Variants in UGP2 observed in about 807,000 individuals in gnomAD.
UGP2 encodes the protein UTP--glucose-1-phosphate uridylyltransferase.
In UGP2, 40 loss-of-function variants were observed where a neutral mutation model predicts 49.0. The ratio of observed to expected loss-of-function variants is 0.82; its 90% confidence interval spans 0.63 to 1.06. UGP2 has a LOEUF of 1.06. UGP2 is among the 50% of genes least tolerant of loss of function. The pLI is 0.00. For missense variants in UGP2, 460 were observed against 603.5 expected (o/e 0.76, Z 2.49); for synonymous variants, 225 against 213.0 (o/e 1.06, Z -0.49).
intron 5 of UGP2, 67 bp downstream of exon 5, chr2:63,884,160 T>C: frequency 1.3e-6 from 2 of 1,574,522 alleles, no homozygotes; most frequent in Non-Finnish European, 1.7e-6. Context: ...ATCTTGTTTA[T>C]AACAGAGCAG....
chr2:63,876,508 C>G (rs957248836), intron 3 of UGP2, among the ~76,000 whole-genome samples: 2 of 152,082 alleles, frequency 1.3e-5, no homozygotes, highest in African/African-American at 2.4e-5. Context: ...TTTTTCCTTT[C>G]CACAGTTATT....
intron 4 of UGP2, 143 bp downstream of exon 4, chr2:63,882,794 A>C (rs979772514): frequency 1.1e-6 from 1 of 909,466 alleles, no homozygotes; most frequent in Non-Finnish European, 1.5e-6. Flanking sequence ...GGTGGAAAAA[A>C]GGTTTAGTGT....
intron 3 of UGP2, among the ~76,000 whole-genome samples, chr2:63,870,211 C>G (rs938598369): frequency 3.3e-5 from 5 of 152,026 alleles, no homozygotes; most frequent in Non-Finnish European, 5.9e-5. Flanking sequence ...TGTGAGCCAC[C>G]GTGCCCGCCC....
chr2:63,869,586 G>A (rs955509328), intron 3 of UGP2, among the ~76,000 whole-genome samples: 3 of 152,178 alleles, frequency 2.0e-5, no homozygotes, highest in Non-Finnish European at 4.4e-5. Context: ...CAAAATTTAG[G>A]CTGAAAATGA....
chr2:63,863,248 C>G (rs1669968899), intron 3 of UGP2, among the ~76,000 whole-genome samples: 1 of 152,114 alleles, frequency 6.6e-6, no homozygotes, highest in Admixed American at 6.6e-5. Flanking sequence ...ATTCTAGATA[C>G]AGTAAGGTTT....
chr2:63,863,392 C>G (rs1484303364), intron 3 of UGP2, among the ~76,000 whole-genome samples: 1 of 152,004 alleles, frequency 6.6e-6, no homozygotes, highest in African/African-American at 2.4e-5. Context: ...ATTGTCATCT[C>G]TTCTCTAGTT....
At chr2:63,876,747 C>T (rs1408059224) in intron 3 of UGP2, among the ~76,000 whole-genome samples, 1 of 152,220 alleles carries the variant, frequency 6.6e-6, no homozygotes, top group African/African-American at 2.4e-5. Context: ...TTGAATGGTA[C>T]ATAAGTCTCT....
chr2:63,884,097 C>A lies in UGP2; in HGVS notation c.575+4C>A. 1 of 1,611,434 alleles carries A rather than the reference C, an allele frequency of 6.2e-7. No individual in the cohort carries two copies. Among genetic ancestry groups the A allele is most frequent in the Non-Finnish European group, 8.5e-7 (1 of 1,179,474 alleles). On this transcript the variant is annotated splice_donor_region_variant and intron_variant, in intron 5 of 9. Transcript: ENST00000337130. Reference sequence around the variant, plus strand: ...TCTACACTTTCAATCAAAGCAGGTACAATGAGTAAAAAATTAACTCTGGGT... The same window carrying A: ...TCTACACTTTCAATCAAAGCAGGTAAAATGAGTAAAAAATTAACTCTGGGT...
chr2:63,880,760 G>A (rs1247545124), intron 3 of UGP2, among the ~76,000 whole-genome samples: 1 of 152,096 alleles, frequency 6.6e-6, no homozygotes, highest in Non-Finnish European at 1.5e-5. Context: ...GTCCTCACCT[G>A]GACCACATGC....
chr2:63,852,568 A>G (rs1323164050), intron 1 of UGP2, among the ~76,000 whole-genome samples: 1 of 152,244 alleles, frequency 6.6e-6, no homozygotes, highest in Non-Finnish European at 1.5e-5. Context: ...ATTTCATCAA[A>G]CAAGGAAGAG....
At position 63,856,143 on chromosome 2, in the gene UGP2, G is replaced by A. The variant is rs1014849452; in HGVS notation, c.20-163G>A. On this transcript the variant is annotated intron_variant, in intron 1 of 9. Transcript: ENST00000337130. Reference sequence around the variant, plus strand: ...GGAGAATATGAAACTGGAGTGAAACGAGTCCTAACTAGTTGACACCACTGA... The same window carrying A: ...GGAGAATATGAAACTGGAGTGAAACAAGTCCTAACTAGTTGACACCACTGA... 2.6e-5 allele frequency: 19 copies of A among 733,202 alleles called. 1 individual carries two copies. The highest frequency in any genetic ancestry group is 4.4e-5 in the South Asian group (2 of 45,934). The allele number at this position is 733,202 out of a possible 1,614,324, so 45.4% of individuals were successfully genotyped here.
chr2:63,884,199 A>G, intron 5 of UGP2, 106 bp downstream of exon 5: 1 of 1,364,492 alleles, frequency 7.3e-7, no homozygotes, highest in Non-Finnish European at 1.0e-6. Flanking sequence ...CCAAATATTG[A>G]TGTTCACAAG....
intron 3 of UGP2, 36 bp downstream of exon 3, chr2:63,857,972 A>C: frequency 6.3e-7 from 1 of 1,595,596 alleles, no homozygotes; most frequent in East Asian, 2.2e-5. Flanking sequence ...AATGTAGGGT[A>C]ATCTTGGGCA....
intron 1 of UGP2, among the ~76,000 whole-genome samples, chr2:63,850,751 C>T (rs1185555395): frequency 1.3e-5 from 2 of 152,160 alleles, no homozygotes; most frequent in Non-Finnish European, 2.9e-5. Context: ...TTATGACAGT[C>T]TATACTTATC....
intron 3 of UGP2, among the ~76,000 whole-genome samples, chr2:63,878,147 C>G (rs558048675): frequency 7.3e-5 from 11 of 151,430 alleles, no homozygotes; most frequent in African/African-American, 2.4e-4. Flanking sequence ...AATTTTGGGA[C>G]TATTTTTTTG....
At chr2:63,852,616 T>A (rs1348361409) in intron 1 of UGP2, among the ~76,000 whole-genome samples, 1 of 152,202 alleles carries the variant, frequency 6.6e-6, no homozygotes, top group Non-Finnish European at 1.5e-5. Context: ...AGGAGATCAA[T>A]CCATCCTCCT....
chr2:63,850,314 T>C lies in UGP2; in HGVS notation c.20-5992T>C, dbSNP rs147714207. Among the ~76,000 whole-genome samples the C allele has an allele frequency of 3.4e-3, 523 of 152,312 alleles. 3 individuals carry two copies. The highest frequency in any genetic ancestry group is 0.012 in the African/African-American group (490 of 41,584). On this transcript the variant is annotated intron_variant, in intron 1 of 9. Coordinates refer to ENST00000337130, the MANE Select transcript of UGP2 (RefSeq NM_006759.4). ...AAGCCTGATATCCTTTTATTTTTGT[T>C]ATCAAAAAGCATTTATTAACCATTC...
At chr2:63,845,597 C>T (rs1671873214) in intron 1 of UGP2, among the ~76,000 whole-genome samples, 1 of 151,354 alleles carries the variant, frequency 6.6e-6, no homozygotes. Context: ...TTTTTATAAC[C>T]TCTCAACTTG....
At chr2:63,881,330 C>T (rs956346541) in intron 3 of UGP2, among the ~76,000 whole-genome samples, 7 of 148,634 alleles carry the variant, frequency 4.7e-5, no homozygotes, top group African/African-American at 1.8e-4. Context: ...AAGTTCTTTC[C>T]CAGTCACACC....
Sources: allele counts gnomAD v4.1 joint callset (sites outside exome capture counted in the v4.1 genomes callset), GRCh38; gene constraint gnomAD v4.1.1; transcripts MANE v1.5; gene names NCBI Gene and HGNC (gene_info 2026-07-23, HGNC 2026-07-21).